The following NCAM2 variants were observed in gnomAD, a reference collection of about 807,000 sequenced individuals.
NCAM2 encodes the protein N-CAM-2.
NCAM2 carries 30 observed loss-of-function variants against 98.1 expected under a neutral mutation model. That is an observed-to-expected ratio of 0.31 (90% CI 0.23 to 0.41). NCAM2 has a LOEUF of 0.41. Among genes scored for constraint, NCAM2 ranks in the 10% least tolerant of loss-of-function variants. The pLI is 1.00. For synonymous variants in NCAM2, 368 were observed against 342.4 expected, an observed-to-expected ratio of 1.07 and a Z score of -0.83; for missense variants, 867 against 1,005.8, an observed-to-expected ratio of 0.86 and a Z score of 1.87.
chr21:21,468,616 T>C, intron 13 of NCAM2, 46 bp from the exon 14 acceptor site: 4 of 1,547,472 alleles, frequency 2.6e-6, no homozygotes, highest in Non-Finnish European at 3.5e-6. Flanking sequence ...TTTATCTAGG[T>C]ATCTGAAATG....
chr21:21,317,573 C>T (rs2074256381), intron 5 of NCAM2, among the ~76,000 whole-genome samples: 1 of 151,840 alleles, frequency 6.6e-6, no homozygotes. Context: ...TAGAGTCTTG[C>T]TCTGTTGACC....
chr21:21,370,532 A>G (rs1035361692), intron 8 of NCAM2, among the ~76,000 whole-genome samples: 12 of 151,862 alleles, frequency 7.9e-5, no homozygotes, highest in African/African-American at 2.7e-4. Flanking sequence ...GTAGGTAAAA[A>G]TGCCCACTTT....
intron 5 of NCAM2, among the ~76,000 whole-genome samples, chr21:21,314,469 G>C (rs1203085017): frequency 6.6e-6 from 1 of 151,982 alleles, no homozygotes; most frequent in Non-Finnish European, 1.5e-5. Flanking sequence ...AACTGTTTTG[G>C]GTTTTTCTTG....
intron 11 of NCAM2, among the ~76,000 whole-genome samples, chr21:21,425,457 A>G (rs9984106): frequency 0.072 from 10,946 of 152,202 alleles, 437 homozygotes; most frequent in East Asian, 0.15. Context: ...CCCAGTACTA[A>G]AGATAAGTGA....
chr21:21,444,749 G>A (rs924864013), intron 12 of NCAM2, among the ~76,000 whole-genome samples: 1 of 151,892 alleles, frequency 6.6e-6, no homozygotes, highest in African/African-American at 2.4e-5. Flanking sequence ...ACTAGTTAGT[G>A]GTCTATCTAT....
chr21:21,385,737 T>G, intron 9 of NCAM2: 1 of 1,017,192 alleles, frequency 9.8e-7, no homozygotes, highest in Non-Finnish European at 1.3e-6. Context: ...ATATACAGTT[T>G]AATGCAGTAA....
At chr21:21,516,013 T>A (rs912451699) in intron 16 of NCAM2, among the ~76,000 whole-genome samples, 3 of 152,136 alleles carry the variant, frequency 2.0e-5, no homozygotes, top group Admixed American at 1.3e-4. Flanking sequence ...GTTGTTAAGA[T>A]CTCAGGATTT....
At chr21:21,263,689 G>A (rs2072012738) in intron 1 of NCAM2, among the ~76,000 whole-genome samples, 1 of 151,948 alleles carries the variant, frequency 6.6e-6, no homozygotes, top group Non-Finnish European at 1.5e-5. Context: ...AATAGACAAT[G>A]CAAAAATATA....
intron 1 of NCAM2, among the ~76,000 whole-genome samples, chr21:21,135,079 CAAAA>C (rs34541675): frequency 4.2e-4 from 58 of 139,572 alleles, no homozygotes; most frequent in South Asian, 2.8e-3. Context: ...ACTAAAAATA[CAAAA>C]AAAAAAAAAA....
chr21:21,530,055 A>T (rs5021232), intron 16 of NCAM2, among the ~76,000 whole-genome samples: 42,139 of 130,810 alleles, frequency 0.32, 8,495 homozygotes, highest in African/African-American at 0.46. Context: ...TTAAATAAAA[A>T]TATATATACT....
intron 9 of NCAM2, chr21:21,385,656 G>A (rs2826822): frequency 0.15 from 193,883 of 1,283,378 alleles, 15,946 homozygotes; most frequent in Non-Finnish European, 0.17. Context: ...TTTCCGAGGC[G>A]TTACTTTACT....
intron 1 of NCAM2, among the ~76,000 whole-genome samples, chr21:21,157,585 T>TTAATTACACTTTG (rs1405135352): frequency 6.6e-6 from 1 of 152,116 alleles, no homozygotes; most frequent in Non-Finnish European, 1.5e-5. Context: ...AGGAATTAAT[T>TTAATTACACTTTG]TAATTACACT....
intron 1 of NCAM2, among the ~76,000 whole-genome samples, chr21:21,098,808 C>A (rs1301585697): frequency 6.6e-6 from 1 of 151,734 alleles, no homozygotes; most frequent in Non-Finnish European, 1.5e-5. Flanking sequence ...ATCCTGATGG[C>A]AGCAATTTTT....
chr21:21,426,609 GT>G (rs2077219384), intron 11 of NCAM2, among the ~76,000 whole-genome samples: 2 of 152,122 alleles, frequency 1.3e-5, no homozygotes, highest in Admixed American at 6.6e-5. Context: ...CTCCTGCCAA[GT>G]TACCCCTCAG....
chr21:21,305,320 A>C (rs969236036), intron 5 of NCAM2, among the ~76,000 whole-genome samples: 1 of 151,940 alleles, frequency 6.6e-6, no homozygotes, highest in Non-Finnish European at 1.5e-5. Context: ...TTTGTCTCAA[A>C]TAATAATAAT....
intron 1 of NCAM2, among the ~76,000 whole-genome samples, chr21:21,261,802 C>G (rs2147348875): frequency 6.6e-6 from 1 of 151,868 alleles, no homozygotes; most frequent in South Asian, 2.1e-4. Flanking sequence ...CCTTAAGAAA[C>G]TAGAAAAACA....
Position 21,130,393 on chromosome 21 carries a change from G to C in NCAM2, c.55+131775G>C, listed in dbSNP as rs528056354. ...ACATTTCTTTTTTAAGGAATTTTTAGTCAATACTGGCAGTCCTCAAAGATG... is the reference window on the plus strand; with the variant it reads ...ACATTTCTTTTTTAAGGAATTTTTACTCAATACTGGCAGTCCTCAAAGATG... On this transcript the variant is annotated intron_variant, in intron 1 of 17. Transcript: ENST00000400546. Among the ~76,000 whole-genome samples, 5 of 152,118 alleles carry C rather than the reference G, an allele frequency of 3.3e-5. No individual in the cohort carries two copies. The East Asian group carries it at 9.7e-4, about 29-fold the overall frequency.
rs182915761 is a variant in NCAM2 at position 21,017,996 on chromosome 21, A to G, written c.55+19378A>G. The stretch of plus-strand genomic sequence containing the variant: ...TCAAAATGTTTGCTTTATTTGTTTC[A>G]TTAGTTTCATTAGTACTGAAATTCA... On this transcript the variant is annotated intron_variant, in intron 1 of 17. Transcript: ENST00000400546. Among the ~76,000 whole-genome samples, 8 of 152,238 alleles carry G rather than the reference A, an allele frequency of 5.3e-5. No homozygotes were observed. In the East Asian group the frequency reaches 9.7e-4, roughly 18 times the overall value.
chr21:21,416,812 G>A (rs78035964), intron 10 of NCAM2, among the ~76,000 whole-genome samples: 3,123 of 152,078 alleles, frequency 0.021, 80 homozygotes, highest in East Asian at 0.14. Flanking sequence ...TTGGACTTTA[G>A]TTTTATGTTG....
Sources: gnomAD v4.1 joint callset for allele counts (sites outside exome capture counted in the v4.1 genomes callset) on GRCh38, gnomAD v4.1.1 for gene constraint, MANE v1.5 for transcripts, NCBI Gene and HGNC (gene_info 2026-07-23, HGNC 2026-07-21) for gene names.